Variants in UNC13C observed in about 807,000 individuals in gnomAD.
UNC13C encodes protein unc-13 homolog C.
A neutral mutation model predicts 245.4 loss-of-function variants in UNC13C; 174 were observed. That is an observed-to-expected ratio of 0.71 (90% CI 0.63 to 0.80). UNC13C has a LOEUF of 0.80. Among genes scored for constraint, UNC13C ranks in the 30% least tolerant of loss-of-function variants. UNC13C has a pLI of 0.00. For synonymous variants in UNC13C, 992 were observed against 895.1 expected (o/e 1.11, Z -1.93); for missense variants, 2,829 against 2,602.9 (o/e 1.09, Z -1.89).
At chr15:54,261,731 A>T (rs1308832715) in intron 8 of UNC13C, among the ~76,000 whole-genome samples, 1 of 152,084 alleles carries the variant, frequency 6.6e-6, no homozygotes, top group Non-Finnish European at 1.5e-5. Flanking sequence ...TTTTTAGTAG[A>T]GACAGAGTTT....
chr15:54,411,639 T>TTAGCCACTCTTGTAAGAG (rs1408626545), intron 18 of UNC13C, among the ~76,000 whole-genome samples: 36 of 152,302 alleles, frequency 2.4e-4, no homozygotes, highest in African/African-American at 7.2e-4. Context: ...TTGTTGAAAA[T>TTAGCCACTCTTGTAAGAG]TAGCCACTCT....
chr15:54,365,855 G>A (rs1429315774), intron 17 of UNC13C, among the ~76,000 whole-genome samples: 1 of 152,002 alleles, frequency 6.6e-6, no homozygotes, highest in African/African-American at 2.4e-5. Context: ...TCTTCCTGAA[G>A]GTTCAGTACT....
At chr15:53,895,908 G>T in the UNC13C span, among the ~76,000 whole-genome samples, 1 of 151,838 alleles carries the variant, frequency 6.6e-6, no homozygotes, top group African/African-American at 2.4e-5. Context: ...AAAAAATTAA[G>T]TCTGAGTCTG....
chr15:54,618,035 T>C (rs572548551), intron 30 of UNC13C, among the ~76,000 whole-genome samples: 1 of 152,258 alleles, frequency 6.6e-6, no homozygotes, highest in African/African-American at 2.4e-5. Context: ...ATGTTTCATA[T>C]AGGTCATTAC....
intron 19 of UNC13C, among the ~76,000 whole-genome samples, chr15:54,486,180 T>G (rs1893393454): frequency 6.6e-6 from 1 of 150,746 alleles, no homozygotes; most frequent in African/African-American, 2.4e-5. Context: ...GAAGCTGAGG[T>G]GGCCGCATCA....
At chr15:54,246,749 C>T (rs962671077) in intron 7 of UNC13C, among the ~76,000 whole-genome samples, 19 of 42,984 alleles carry the variant, frequency 4.4e-4, no homozygotes, top group African/African-American at 1.4e-3. Context: ...TGTGGCCTAT[C>T]GGAGGGTGGG....
chr15:54,453,866 G>A (rs528714046), intron 19 of UNC13C, among the ~76,000 whole-genome samples: 4 of 152,162 alleles, frequency 2.6e-5, no homozygotes, highest in South Asian at 2.1e-4. Flanking sequence ...CAATTCAGTG[G>A]CATTTAGTTT....
At chr15:53,979,702 G>T (rs1450049278) in intron 1 of UNC13C, among the ~76,000 whole-genome samples, 1 of 152,104 alleles carries the variant, frequency 6.6e-6, no homozygotes, top group East Asian at 1.9e-4. Context: ...AATTTTCCTC[G>T]TTAGGCTTTT....
At chr15:54,339,640 GATATATATATATAT>G (rs61353129) in intron 17 of UNC13C, among the ~76,000 whole-genome samples, 36,983 of 149,630 alleles carry the variant, frequency 0.25, 5,099 homozygotes, top group Admixed American at 0.34. Flanking sequence ...ATTATGTGGA[GATATATATATATAT>G]ATATATATAT....
intron 15 of UNC13C, 135 bp from the exon 16 acceptor site, chr15:54,333,632 A>G (rs1235597212): frequency 6.8e-6 from 4 of 584,854 alleles, no homozygotes; most frequent in East Asian, 2.8e-5. Flanking sequence ...AAATATTTTA[A>G]GAATACCTTG....
At chr15:54,362,947 G>A (rs968586184) in intron 17 of UNC13C, among the ~76,000 whole-genome samples, 12 of 152,178 alleles carry the variant, frequency 7.9e-5, no homozygotes, top group African/African-American at 2.7e-4. Context: ...GGAAAAGAAG[G>A]ATGGGGCATG....
At chr15:54,226,620 A>C (rs1052771684) in intron 4 of UNC13C, among the ~76,000 whole-genome samples, 1 of 152,210 alleles carries the variant, frequency 6.6e-6, no homozygotes, top group African/African-American at 2.4e-5. Flanking sequence ...GCCAAGGACA[A>C]GCCAGGTGCA....
the UNC13C span, among the ~76,000 whole-genome samples, chr15:53,957,746 G>T: frequency 1.3e-5 from 2 of 152,178 alleles, no homozygotes; most frequent in South Asian, 2.1e-4. Flanking sequence ...AGAGGAGTTT[G>T]GCCTTATTTT....
chr15:54,559,692 GA>G (rs1194728194), intron 29 of UNC13C, among the ~76,000 whole-genome samples: 3 of 151,948 alleles, frequency 2.0e-5, no homozygotes, highest in African/African-American at 4.8e-5. Context: ...AAGCTTCCCA[GA>G]GAAGGACATT....
intron 2 of UNC13C, among the ~76,000 whole-genome samples, chr15:54,112,267 T>G (rs944242639): frequency 6.6e-6 from 1 of 152,124 alleles, no homozygotes; most frequent in African/African-American, 2.4e-5. Context: ...AGGTTTAATA[T>G]GCAAAGAAAG....
intron 1 of UNC13C, among the ~76,000 whole-genome samples, chr15:53,980,206 G>C (rs1458091557): frequency 6.6e-6 from 1 of 152,066 alleles, no homozygotes; most frequent in Non-Finnish European, 1.5e-5. Context: ...TTTGCCAAAT[G>C]GTAGCTATCT....
In UNC13C at chr15:54,625,490, C is replaced by A. The variant is rs539434032; in HGVS notation, c.6360-1338C>A. On this transcript the variant is annotated intron_variant, in intron 32 of 32. Transcript: ENST00000260323. The stretch of plus-strand genomic sequence containing the variant: ...AAGAAATGATAAAAATGTTTTAAAT[C>A]TATTAATTTGGTGATGCCTGTCAGA... Among the ~76,000 whole-genome samples, 16 of 152,154 alleles carry A rather than the reference C, an allele frequency of 1.1e-4. No individual in the cohort carries two copies. The South Asian group carries it at 3.3e-3, about 32-fold the overall frequency.
intron 26 of UNC13C, among the ~76,000 whole-genome samples, chr15:54,534,546 A>G (rs1183637691): frequency 2.0e-5 from 3 of 152,170 alleles, no homozygotes; most frequent in Non-Finnish European, 2.9e-5. Flanking sequence ...CTACCTCCAA[A>G]CAACCACACT....
chr15:54,062,336 A>G (rs1185002890), intron 2 of UNC13C, among the ~76,000 whole-genome samples: 1 of 151,854 alleles, frequency 6.6e-6, no homozygotes, highest in Non-Finnish European at 1.5e-5. Context: ...AAAAAAAAAA[A>G]AAAAATCTCC....
Sources: allele counts gnomAD v4.1 joint callset (sites outside exome capture counted in the v4.1 genomes callset), GRCh38; gene constraint gnomAD v4.1.1; transcripts MANE v1.5; gene names NCBI Gene and HGNC (gene_info 2026-07-23, HGNC 2026-07-21).